OTUD1: variants seen among roughly 807,000 people sequenced by gnomAD.
The protein encoded by OTUD1 is OTU deubiquitinase 1, also known as OTU domain-containing protein 1.
A neutral mutation model predicts 30.0 loss-of-function variants in OTUD1; 15 were observed. That is an observed-to-expected ratio of 0.50 (90% confidence interval 0.33 to 0.77). OTUD1 has a LOEUF of 0.77. OTUD1 is among the 30% of genes least tolerant of loss of function. OTUD1 has a pLI of 0.02. For synonymous variants in OTUD1, 381 were observed against 326.3 expected (o/e 1.17, Z -1.81); for missense variants, 796 against 697.8 (o/e 1.14, Z -1.59).
rs1847117385 is a variant in OTUD1 at position 23,440,661 on chromosome 10, A to G, written c.1204A>G (p.Ser402Gly). The G allele has an allele frequency of 6.4e-7, 1 of 1,551,684 alleles. No homozygotes were observed. Among genetic ancestry groups the G allele is most frequent in the South Asian group, 1.2e-5 (1 of 84,072 alleles). ...TTTAACTACTGGAGGGAGGCTGGAG[A>G]GTCCCACGGTGTCTACCATGATTCA... Reference protein sequence around the residue: ...IHLTTGGRLESPTVSTMIHYL... With the variant: ...IHLTTGGRLEGPTVSTMIHYL... The change falls in exon 1 of 1, where the codon AGT (serine) becomes GGT (glycine). Residue 402 changes from serine (S) to glycine (G), a missense_variant. By Grantham distance (56) the Ser-to-Gly change is moderately conservative (BLOSUM62 0). Transcript: ENST00000376495.
Position 23,439,688 on chromosome 10 carries a change from C to G in OTUD1, c.231C>G (p.Ser77=). The G allele has an allele frequency of 7.8e-7, 1 of 1,280,352 alleles. No individual in the cohort carries two copies. Among genetic ancestry groups the G allele is most frequent in the East Asian group, 4.1e-5 (1 of 24,684 alleles). 79.3% of individuals were successfully genotyped at this position (1,280,352 alleles called of 1,614,324 possible). The part of the protein sequence containing the change: ...VPAAKMPAFS[S]CFEVVSGAAA... ...CCGCCAAGATGCCCGCCTTCTCCTC[C>G]TGCTTCGAGGTGGTGTCCGGGGCCG... The change falls in exon 1 of 1, where the codon TCC becomes TCG. Residue 77 remains serine (S), a synonymous_variant. Transcript: ENST00000376495.
In OTUD1 at chr10:23,441,537, A is replaced by C. The variant is rs539952067; in HGVS notation, c.*634A>C. On this transcript the variant is annotated 3_prime_UTR_variant, in exon 1 of 1. Coordinates refer to ENST00000376495, the MANE Select transcript of OTUD1 (RefSeq NM_001145373.3). Reference sequence around the variant, plus strand: ...CGAATCTTTTAAAGAAAATTACTTAATGGAAGGTTGTGGGAAGGTGTTTTT... The same window carrying C: ...CGAATCTTTTAAAGAAAATTACTTACTGGAAGGTTGTGGGAAGGTGTTTTT... The C allele has an allele frequency of 6.0e-6, 1 of 166,578 alleles. No homozygotes were observed. Among genetic ancestry groups the C allele is most frequent in the African/African-American group, 2.4e-5 (1 of 41,398 alleles). 10.3% of individuals were successfully genotyped at this position (166,578 alleles called of 1,614,324 possible).
In OTUD1 at chr10:23,439,550, C is replaced by T; in HGVS notation, c.93C>T (p.Pro31=). The change falls in exon 1 of 1, where the codon CCC becomes CCT. Residue 31 remains proline (P), a synonymous_variant. Coordinates refer to ENST00000376495, the MANE Select transcript of OTUD1 (RefSeq NM_001145373.3). Reference sequence around the variant, plus strand: ...CCGCGCCACCCGCCGCCGCTACCCCCTTCAAGGTCTCGCTGCAGCCCCCGG... The same window carrying T: ...CCGCGCCACCCGCCGCCGCTACCCCTTTCAAGGTCTCGCTGCAGCCCCCGG... ...AAPAPPAAAT[P]FKVSLQPPGA... is the part of the protein sequence containing the mutation. The T allele has an allele frequency of 7.2e-7, 1 of 1,388,742 alleles. No homozygotes were observed. Among genetic ancestry groups the T allele is most frequent in the Non-Finnish European group, 9.4e-7 (1 of 1,068,572 alleles). 86.0% of individuals were successfully genotyped at this position (1,388,742 alleles called of 1,614,324 possible). A position where few individuals can be genotyped will look rare whatever the true frequency, so the allele number is the denominator to read the frequency against.
chr10:23,440,076 C>A lies in OTUD1; in HGVS notation c.619C>A (p.His207Asn). The A allele has an allele frequency of 6.9e-7, 1 of 1,445,010 alleles. No homozygotes were observed. The allele number at this position is 1,445,010 out of a possible 1,614,324, so 89.5% of individuals were successfully genotyped here. The change falls in exon 1 of 1, where the codon CAC (histidine) becomes AAC (asparagine). Residue 207 changes from histidine (H) to asparagine (N), a missense_variant. Physicochemically the swap from His to Asn is moderately conservative, Grantham distance 68. Transcript: ENST00000376495. ...EHRQALAAAK[H>N]RGPAATPGSP... is the part of the protein sequence containing the mutation. ...CCGCCAGGCCCTGGCCGCCGCCAAG[C>A]ACCGAGGCCCCGCGGCGACCCCGGG...
rs1847098313 is a variant in OTUD1, at chr10:23,439,252, C to T, written c.-206C>T. On this transcript the variant is annotated 5_prime_UTR_variant, in exon 1 of 1. Coordinates refer to ENST00000376495, the MANE Select transcript of OTUD1 (RefSeq NM_001145373.3). Reference sequence around the variant, plus strand: ...GAGCTCGCGTCCCGTCCCCGCCCCCCTGCGCTGTGGCGCAGCAGGAATTTG... The same window carrying T: ...GAGCTCGCGTCCCGTCCCCGCCCCCTTGCGCTGTGGCGCAGCAGGAATTTG... Among the ~76,000 whole-genome samples the T allele has an allele frequency of 6.6e-6, 1 of 151,452 alleles. No individual in the cohort carries two copies. The highest frequency in any genetic ancestry group is 1.5e-5 in the Non-Finnish European group (1 of 67,798).
rs547753630 is a variant in OTUD1 at position 23,442,129 on chromosome 10, A to G, written c.*1226A>G. ...AAAACTGTATTTGTACAATAGAGCA[A>G]TTCCCAGCTGATGGAATGAATGAAT... is the stretch of plus-strand genomic sequence containing the variant. On this transcript the variant is annotated 3_prime_UTR_variant, in exon 1 of 1. Transcript: ENST00000376495. The G allele has an allele frequency of 3.6e-5, 6 of 167,200 alleles. No homozygotes were observed. Among genetic ancestry groups the G allele is most frequent in the African/African-American group, 1.4e-4 (6 of 41,592 alleles). The allele number at this position is 167,200 out of a possible 1,614,324, so 10.4% of individuals were successfully genotyped here.
chr10:23,440,588 G>A lies in OTUD1; in HGVS notation c.1131G>A (p.Gly377=), dbSNP rs1270172791. Residue 377 remains glycine, a synonymous_variant, in exon 1 of 1, where the codon GGG becomes GGA. Coordinates refer to ENST00000376495, the MANE Select transcript of OTUD1 (RefSeq NM_001145373.3). ...IAAAQDGAWA[G]YPELLAMGQM... Reference sequence around the variant, plus strand: ...CTGCCCAAGACGGGGCATGGGCCGGGTACCCGGAGTTGCTGGCCATGGGGC... The same window carrying A: ...CTGCCCAAGACGGGGCATGGGCCGGATACCCGGAGTTGCTGGCCATGGGGC... 10 of 1,551,602 alleles carry A rather than the reference G, an allele frequency of 6.4e-6. No individual in the cohort carries two copies. In the East Asian group the frequency reaches 1.5e-4, roughly 23 times the overall value.
rs569068310 is a variant in OTUD1 at position 23,439,287 on chromosome 10, C to G, written c.-171C>G. 6.6e-6 allele frequency among the ~76,000 whole-genome samples: 1 copy of G among 151,666 alleles called. No homozygotes were observed. Among genetic ancestry groups the G allele is most frequent in the East Asian group, 1.9e-4 (1 of 5,132 alleles). ...GCGCAGCAGGAATTTGGCCGGGACC[C>G]GGGCGCTATTCGCGGCTGCTGACTC... On this transcript the variant is annotated 5_prime_UTR_variant, in exon 1 of 1. Coordinates refer to ENST00000376495, the MANE Select transcript of OTUD1 (RefSeq NM_001145373.3).
rs1170415871 is a variant in OTUD1 at position 23,440,029 on chromosome 10, G to A, written c.572G>A (p.Arg191Gln). The change falls in exon 1 of 1, where the codon CGG becomes CAG. Residue 191 changes from arginine to glutamine, a missense_variant. Coordinates refer to ENST00000376495, the MANE Select transcript of OTUD1 (RefSeq NM_001145373.3). ...GACGCGACACGGGAGGGGCCCGATC[G>A]GAACTTCCGACTGAGCGAGCACCGC... ...GLDATREGPDRNFRLSEHRQA... is the reference protein window; with the variant it reads ...GLDATREGPDQNFRLSEHRQA... The A allele has an allele frequency of 1.2e-5, 17 of 1,446,152 alleles. No individual in the cohort carries two copies. Among genetic ancestry groups the A allele is most frequent in the Admixed American group, 2.6e-5 (1 of 38,472 alleles). 89.6% of individuals were successfully genotyped at this position (1,446,152 alleles called of 1,614,324 possible). A position where few individuals can be genotyped will look rare whatever the true frequency, so the allele number is the denominator to read the frequency against.
At position 23,439,337 on chromosome 10, in the gene OTUD1, A is replaced by G; in HGVS notation, c.-121A>G. The G allele has an allele frequency of 1.1e-6, 1 of 885,920 alleles. No homozygotes were observed. The highest frequency in any genetic ancestry group is 1.5e-6 in the Non-Finnish European group (1 of 684,388). The allele number at this position is 885,920 out of a possible 1,614,324, so 54.9% of individuals were successfully genotyped here. A position where few individuals can be genotyped will look rare whatever the true frequency, so the allele number is the denominator to read the frequency against. On this transcript the variant is annotated 5_prime_UTR_variant, in exon 1 of 1. Coordinates refer to ENST00000376495, the MANE Select transcript of OTUD1 (RefSeq NM_001145373.3). ...CGCGGCGGCCGGCTGCCTTTCGCTC[A>G]TCTCTATTCTGGGGCCGTTGGGTCA...
Position 23,439,542 on chromosome 10 carries a change from G to A in OTUD1, c.85G>A (p.Ala29Thr). ...CGCCGCCCCCGCGCCACCCGCCGCC[G>A]CTACCCCCTTCAAGGTCTCGCTGCA... ...TAAAPAPPAA[A>T]TPFKVSLQPP... Residue 29 changes from alanine to threonine, a missense_variant, in exon 1 of 1, where the codon GCT becomes ACT. Transcript: ENST00000376495. The A allele has an allele frequency of 2.2e-6, 3 of 1,380,070 alleles. No homozygotes were observed. The highest frequency in any genetic ancestry group is 3.1e-5 in the South Asian group (2 of 65,368). 85.5% of individuals were successfully genotyped at this position (1,380,070 alleles called of 1,614,324 possible). A position where few individuals can be genotyped will look rare whatever the true frequency, so the allele number is the denominator to read the frequency against.
Position 23,440,700 on chromosome 10 carries a change from G to C in OTUD1, c.1243G>C (p.Glu415Gln), listed in dbSNP as rs948333065. ...VSTMIHYLGP[E>Q]DSLRPSIWLS... is the part of the protein sequence containing the mutation. ...TACCATGATTCATTATTTGGGCCCA[G>C]AGGATTCCCTGAGGCCTAGTATTTG... Residue 415 changes from glutamate (E) to glutamine (Q), a missense_variant, in exon 1 of 1, where the codon GAG (glutamate) becomes CAG (glutamine). Transcript: ENST00000376495. The C allele has an allele frequency of 1.9e-6, 3 of 1,551,782 alleles. No individual in the cohort carries two copies. The African/African-American group carries it at 4.1e-5, about 21-fold the overall frequency.
chr10:23,441,788 T>G lies in OTUD1; in HGVS notation c.*885T>G, dbSNP rs1274281896. On this transcript the variant is annotated 3_prime_UTR_variant, in exon 1 of 1. Transcript: ENST00000376495. ...ATAAAACTCTGTGACAAGATAAGCC[T>G]CCTGCTTTATATAACTTCTTGAATC... 1 of 167,082 alleles carries G rather than the reference T, an allele frequency of 6.0e-6. No individual in the cohort carries two copies. Among genetic ancestry groups the G allele is most frequent in the East Asian group, 1.9e-4 (1 of 5,202 alleles). The allele number at this position is 167,082 out of a possible 1,614,324, so 10.3% of individuals were successfully genotyped here.
In OTUD1 at chr10:23,439,124, G is replaced by C. The variant is rs1353415527; in HGVS notation, c.-334G>C. ...CGCCGGCGGGACGCGCTCCAACGGG[G>C]CGGGCGGCTTCCTCCGTGAGTCCCC... On this transcript the variant is annotated 5_prime_UTR_variant, in exon 1 of 1. Transcript: ENST00000376495. Among the ~76,000 whole-genome samples the C allele has an allele frequency of 6.6e-6, 1 of 150,954 alleles. No homozygotes were observed. Among genetic ancestry groups the C allele is most frequent in the East Asian group, 1.9e-4 (1 of 5,144 alleles).
Position 23,441,572 on chromosome 10 carries a change from T to G in OTUD1, c.*669T>G, listed in dbSNP as rs1564551847. 1 of 166,830 alleles carries G rather than the reference T, an allele frequency of 6.0e-6. No individual in the cohort carries two copies. The highest frequency in any genetic ancestry group is 1.5e-5 in the Non-Finnish European group (1 of 68,108). 10.3% of individuals were successfully genotyped at this position (166,830 alleles called of 1,614,324 possible). A position where few individuals can be genotyped will look rare whatever the true frequency, so the allele number is the denominator to read the frequency against. On this transcript the variant is annotated 3_prime_UTR_variant, in exon 1 of 1. Coordinates refer to ENST00000376495, the MANE Select transcript of OTUD1 (RefSeq NM_001145373.3). ...GTGGGAAGGTGTTTTTTTGTGTTTTTTTTTTGGTTTTTGTTTTGTTTTTCC... is the reference window on the plus strand; with the variant it reads ...GTGGGAAGGTGTTTTTTTGTGTTTTGTTTTTGGTTTTTGTTTTGTTTTTCC...
chr10:23,439,607 C>T lies in OTUD1; in HGVS notation c.150C>T (p.Thr50=). Residue 50 remains threonine, a synonymous_variant, in exon 1 of 1, where the codon ACC becomes ACT. Transcript: ENST00000376495. ...CCGGCGCCGCGCCCGAGCCCGAGACCGGTGAGTGCCAGCCCGCCGCGGCCG... is the reference window on the plus strand; with the variant it reads ...CCGGCGCCGCGCCCGAGCCCGAGACTGGTGAGTGCCAGCCCGCCGCGGCCG... ...GAAGAAPEPE[T]GECQPAAAAE... The T allele has an allele frequency of 1.5e-6, 2 of 1,359,618 alleles. No individual in the cohort carries two copies. The highest frequency in any genetic ancestry group is 1.9e-6 in the Non-Finnish European group (2 of 1,051,226). The allele number at this position is 1,359,618 out of a possible 1,614,324, so 84.2% of individuals were successfully genotyped here. A position where few individuals can be genotyped will look rare whatever the true frequency, so the allele number is the denominator to read the frequency against.
In OTUD1 at chr10:23,439,449, G is replaced by T. The variant is rs1847100814; in HGVS notation, c.-9G>T. On this transcript the variant is annotated 5_prime_UTR_variant, in exon 1 of 1. Transcript: ENST00000376495. Reference sequence around the variant, plus strand: ...CGCGCCTATAAGGGGCCGAGCGGCGGGCAGGGACATGCAGCTCTACAGCAG... The same window carrying T: ...CGCGCCTATAAGGGGCCGAGCGGCGTGCAGGGACATGCAGCTCTACAGCAG... The T allele has an allele frequency of 7.8e-7, 1 of 1,289,834 alleles. No homozygotes were observed. The highest frequency in any genetic ancestry group is 9.8e-7 in the Non-Finnish European group (1 of 1,020,462). The allele number at this position is 1,289,834 out of a possible 1,614,324, so 79.9% of individuals were successfully genotyped here.
rs1467223357 is a variant in OTUD1, at chr10:23,440,660, G to C, written c.1203G>C (p.Glu401Asp). 6.4e-7 allele frequency: 1 copy of C among 1,551,818 alleles called. No homozygotes were observed. Among genetic ancestry groups the C allele is most frequent in the African/African-American group, 1.4e-5 (1 of 73,190 alleles). Residue 401 changes from glutamate to aspartate, a missense_variant, in exon 1 of 1, where the codon GAG (glutamate) becomes GAC (aspartate). Coordinates refer to ENST00000376495, the MANE Select transcript of OTUD1 (RefSeq NM_001145373.3). ...ATTTAACTACTGGAGGGAGGCTGGA[G>C]AGTCCCACGGTGTCTACCATGATTC... ...NIHLTTGGRL[E>D]SPTVSTMIHY...
In OTUD1 at chr10:23,440,007, G is replaced by A; in HGVS notation, c.550G>A (p.Ala184Thr). Residue 184 changes from alanine to threonine, a missense_variant, in exon 1 of 1, where the codon GCG (alanine) becomes ACG (threonine). By Grantham distance (58) the Ala-to-Thr change is moderately conservative (BLOSUM62 0). Coordinates refer to ENST00000376495, the MANE Select transcript of OTUD1 (RefSeq NM_001145373.3). ...CTGCCCCGAGCCCGCGGGCTTGGAC[G>A]CGACACGGGAGGGGCCCGATCGGAA... is the stretch of plus-strand genomic sequence containing the variant. ...PDCPEPAGLD[A>T]TREGPDRNFR... 7.1e-7 allele frequency: 1 copy of A among 1,410,928 alleles called. No homozygotes were observed. Among genetic ancestry groups the A allele is most frequent in the Non-Finnish European group, 9.2e-7 (1 of 1,085,026 alleles). The allele number at this position is 1,410,928 out of a possible 1,614,324, so 87.4% of individuals were successfully genotyped here.
Sources: allele counts gnomAD v4.1 joint callset (sites outside exome capture counted in the v4.1 genomes callset), GRCh38; gene constraint gnomAD v4.1.1; transcripts MANE v1.5; gene names NCBI Gene and HGNC (gene_info 2026-07-23, HGNC 2026-07-21).